MAFG: variants seen among roughly 807,000 people sequenced by gnomAD.
MAFG encodes the protein transcription factor MafG.
Under a neutral mutation model 12.2 loss-of-function variants are expected in MAFG, and 3 were observed. That is an observed-to-expected ratio of 0.25 (90% CI 0.11 to 0.64). The LOEUF (loss-of-function observed/expected upper bound fraction) is 0.64, where lower values mean the gene tolerates loss of function less well. MAFG is among the 30% of genes least tolerant of loss of function. The pLI is 0.85. For synonymous variants in MAFG, 126 were observed against 109.1 expected (o/e 1.15, Z -0.96); for missense variants, 153 against 235.5 (o/e 0.65, Z 2.29).
At position 81,922,642 on chromosome 17, in the gene MAFG, A is replaced by G; in HGVS notation, c.452T>C (p.Ile151Thr). Residue 151 changes from isoleucine to threonine, a missense_variant, in exon 3 of 3, where the codon ATC (isoleucine) becomes ACC (threonine). Physicochemically the swap from Ile to Thr is moderately conservative, Grantham distance 89. This residue lies in a region of MAFG where 81 missense variants were observed against 94.7 expected (regional missense o/e 0.86). Transcript: ENST00000357736. ...VPGKVAATSV[I>T]TIVKSKTDAR... ...ATCCGTCTTGGACTTTACTATTGTG[A>G]TGACGCTGGTGGCGGCCACCTTGCC... The G allele has an allele frequency of 6.7e-7, 1 of 1,502,512 alleles. No homozygotes were observed. Among genetic ancestry groups the G allele is most frequent in the Non-Finnish European group, 8.8e-7 (1 of 1,130,110 alleles). The allele number at this position is 1,502,512 out of a possible 1,614,324, so 93.1% of individuals were successfully genotyped here.
In MAFG at chr17:81,920,534, T is replaced by G. The variant is rs1225279200; in HGVS notation, c.*2071A>C. 2 of 151,844 alleles carry G rather than the reference T, an allele frequency of 1.3e-5. No homozygotes were observed. The highest frequency in any genetic ancestry group is 4.8e-5 in the African/African-American group (2 of 41,306). The allele number at this position is 151,844 out of a possible 1,614,324, so 9.4% of individuals were successfully genotyped here. On this transcript the variant is annotated 3_prime_UTR_variant, in exon 3 of 3. Transcript: ENST00000357736. Reference sequence around the variant, plus strand: ...ACACAGGGCTGTAGCCTCTTGGAGGTGGGTAGGGGCACCCCCTCCCCATCA... The same window carrying G: ...ACACAGGGCTGTAGCCTCTTGGAGGGGGGTAGGGGCACCCCCTCCCCATCA...
At position 81,919,339 on chromosome 17, in the gene MAFG, C is replaced by T. The variant is rs570067527; in HGVS notation, c.*3266G>A. ...CCATCGTCCCAAAGCAGGCTGCAGC[C>T]GCTCAGGGCCGTGGGCCGGGCCCTG... On this transcript the variant is annotated 3_prime_UTR_variant, in exon 3 of 3. Transcript: ENST00000357736. 1.3e-5 allele frequency: 2 copies of T among 152,396 alleles called. No individual in the cohort carries two copies. Among genetic ancestry groups the T allele is most frequent in the Admixed American group, 6.5e-5 (1 of 15,306 alleles). 9.4% of individuals were successfully genotyped at this position (152,396 alleles called of 1,614,324 possible). A position where few individuals can be genotyped will look rare whatever the true frequency, so the allele number is the denominator to read the frequency against.
upstream of MAFG, among the ~76,000 whole-genome samples, chr17:81,931,060 A>G (rs1330047562): frequency 6.6e-6 from 1 of 152,040 alleles, no homozygotes; most frequent in Non-Finnish European, 1.5e-5. Flanking sequence ...CTACCTCCCC[A>G]GACTTCTCAC....
chr17:81,928,363 C>T (rs901159349), upstream of MAFG: 2 of 152,268 alleles, frequency 1.3e-5, no homozygotes, highest in African/African-American at 4.8e-5. The surrounding 1 kb of genome is among the most constrained non-coding windows in gnomAD (Gnocchi z 8.1). Flanking sequence ...AACGGGGGAT[C>T]CCGTGTCTGG....
At chr17:81,929,490 T>C (rs181654965), upstream of MAFG, 1 of 152,316 alleles carries the variant, frequency 6.6e-6, no homozygotes, top group African/African-American at 2.4e-5. This position sits in a 1 kb window ranked among gnomAD's most constrained non-coding sequence, Gnocchi z 5.7. Context: ...CTGAAGGTGT[T>C]CCGTGGTCAG....
At chr17:81,927,470 CCGCCGCCCCCGCCG>C (rs1162087061) in intron 1 of MAFG, 44 bp downstream of exon 1, 1 of 147,226 alleles carries the variant, frequency 6.8e-6, no homozygotes, top group Non-Finnish European at 1.5e-5. Context: ...CCCTCGGCCC[CCGCCGCCCCCGCCG>C]CGCCGCCCCC....
rs1380431657 is a variant in MAFG at position 81,924,849 on chromosome 17, T to C, written c.-29-1635A>G. ...AAGTCAGGGTGCAGAGACACTGCCC[T>C]GGCACCAGCTTCTCCCACCCCCATC... On this transcript the variant is annotated intron_variant, in intron 1 of 2. Coordinates refer to ENST00000357736, the MANE Select transcript of MAFG (RefSeq NM_002359.4). The surrounding 1 kb of genome is among the most constrained non-coding windows in gnomAD (Gnocchi z 4.7). 6.6e-6 allele frequency among the ~76,000 whole-genome samples: 1 copy of C among 152,232 alleles called. No individual in the cohort carries two copies. Among genetic ancestry groups the C allele is most frequent in the Non-Finnish European group, 1.5e-5 (1 of 68,030 alleles).
chr17:81,923,813 G>A (rs1415163988), intron 1 of MAFG, among the ~76,000 whole-genome samples: 1 of 152,194 alleles, frequency 6.6e-6, no homozygotes, highest in Non-Finnish European at 1.5e-5. Flanking sequence ...AAAGCCCCCT[G>A]CTCCCTGGGT....
rs756328585 is a variant in MAFG, at chr17:81,923,156, G to A, written c.30C>T (p.Ala10=). MTTPNKGNK[A]LKVKREPGEN... ...CCTGTCCCTGCCCACTCACCTTCAA[G>A]GCCTTGTTTCCTTTATTGGGGGTCG... The change falls in exon 2 of 3, where the codon GCC becomes GCT. Residue 10 remains alanine, a synonymous_variant. Coordinates refer to ENST00000357736, the MANE Select transcript of MAFG (RefSeq NM_002359.4). The A allele has an allele frequency of 6.8e-6, 11 of 1,610,522 alleles. No homozygotes were observed. The highest frequency in any genetic ancestry group is 9.3e-6 in the Non-Finnish European group (11 of 1,179,024).
chr17:81,930,108 G>C (rs1257312325), upstream of MAFG: 1 of 152,410 alleles, frequency 6.6e-6, no homozygotes, highest in African/African-American at 2.4e-5. The surrounding 1 kb of genome is among the most constrained non-coding windows in gnomAD (Gnocchi z 4.1). Context: ...TCAGCCAGAT[G>C]CTGCCGGGAG....
At position 81,922,511 on chromosome 17, in the gene MAFG, GGAAAGAGAAGA is replaced by G; in HGVS notation, c.*83_*93del. On this transcript the variant is annotated 3_prime_UTR_variant, in exon 3 of 3. Coordinates refer to ENST00000357736, the MANE Select transcript of MAFG (RefSeq NM_002359.4). ...GAGAGAAGGGTGGGGAAGAGAGGGA[GGAAAGAGAAGA>G]GAAGGAAACAGAGGGACAGGGCAGC... is the stretch of plus-strand genomic sequence containing the variant. 2 of 1,003,608 alleles carry G rather than the reference GGAAAGAGAAGA, an allele frequency of 2.0e-6. No homozygotes were observed. The highest frequency in any genetic ancestry group is 2.8e-6 in the Non-Finnish European group (2 of 726,160). 62.2% of individuals were successfully genotyped at this position (1,003,608 alleles called of 1,614,324 possible). A position where few individuals can be genotyped will look rare whatever the true frequency, so the allele number is the denominator to read the frequency against.
chr17:81,930,944 C>T (rs370913160), upstream of MAFG, among the ~76,000 whole-genome samples: 4 of 152,346 alleles, frequency 2.6e-5, no homozygotes, highest in South Asian at 2.1e-4. The surrounding 1 kb of genome is among the most constrained non-coding windows in gnomAD (Gnocchi z 4.1). Context: ...CACCATCTCC[C>T]TCCTTGACCT....
At chr17:81,931,142 G>A (rs2040983080), upstream of MAFG, among the ~76,000 whole-genome samples, 1 of 152,154 alleles carries the variant, frequency 6.6e-6, no homozygotes, top group Non-Finnish European at 1.5e-5. Flanking sequence ...AACCCACAGT[G>A]GGAAAGCTCC....
intron 1 of MAFG, chr17:81,923,488 C>A: frequency 2.7e-6 from 1 of 365,810 alleles, no homozygotes. Context: ...GGAAGGCAGG[C>A]GCAAGACAAG....
chr17:81,923,460 G>C (rs1203218709), intron 1 of MAFG: 1 of 413,322 alleles, frequency 2.4e-6, no homozygotes, highest in Non-Finnish European at 4.3e-6. Flanking sequence ...ACGGGAGAAG[G>C]GGAACTGAAG....
At chr17:81,927,265 C>T in intron 1 of MAFG, among the ~76,000 whole-genome samples, 1 of 151,744 alleles carries the variant, frequency 6.6e-6, no homozygotes, top group African/African-American at 2.4e-5. Flanking sequence ...ACTCGCCCGG[C>T]TCCGCGGGTC....
chr17:81,929,508 T>A (rs1049227460), upstream of MAFG: 1 of 152,390 alleles, frequency 6.6e-6, no homozygotes, highest in African/African-American at 2.4e-5. The surrounding 1 kb of genome is among the most constrained non-coding windows in gnomAD (Gnocchi z 5.7). Context: ...CAGTGAGGGC[T>A]GGCACTGGCT....
At chr17:81,928,738 C>T (rs540239002), upstream of MAFG, among the ~76,000 whole-genome samples, 1 of 152,296 alleles carries the variant, frequency 6.6e-6, no homozygotes, top group South Asian at 2.1e-4. This position sits in a 1 kb window ranked among gnomAD's most constrained non-coding sequence, Gnocchi z 8.1. Flanking sequence ...ATGGTCCTGG[C>T]GTGGCTTCCG....
chr17:81,921,868 G>C lies in MAFG; in HGVS notation c.*737C>G, dbSNP rs868713412. 6.6e-6 allele frequency: 1 copy of C among 151,604 alleles called. No individual in the cohort carries two copies. The highest frequency in any genetic ancestry group is 1.5e-5 in the Non-Finnish European group (1 of 67,944). 9.4% of individuals were successfully genotyped at this position (151,604 alleles called of 1,614,324 possible). ...AATTAATTTAATAACTTTGTAAAAG[G>C]AACTTCTCTCTTTTAAATAAAGGGC... On this transcript the variant is annotated 3_prime_UTR_variant, in exon 3 of 3. Transcript: ENST00000357736.
Sources: gnomAD v4.1 joint callset for allele counts (sites outside exome capture counted in the v4.1 genomes callset) on GRCh38, gnomAD v4.1.1 for gene constraint, gnomAD v4.1.1 regional missense constraint, Gnocchi (gnomAD v3.1) non-coding constraint, MANE v1.5 for transcripts, NCBI Gene and HGNC (gene_info 2026-07-23, HGNC 2026-07-21) for gene names.